Variants in PKP1 observed in about 807,000 individuals in gnomAD.
PKP1 encodes plakophilin 1.
A neutral mutation model predicts 76.4 loss-of-function variants in PKP1; 27 were observed. The observed-to-expected ratio is 0.35, with a 90% CI of 0.26 to 0.49. The LOEUF is 0.49. PKP1 is among the 20% of genes least tolerant of loss of function. The pLI is 0.99. For missense variants in PKP1, 964 were observed against 955.2 expected (o/e 1.01, Z -0.12); for synonymous variants, 404 against 384.2 (o/e 1.05, Z -0.60).
At chr1:201,316,530 C>T (rs777074752) in intron 3 of PKP1, 23 bp from the exon 4 acceptor site, 1 of 1,589,736 alleles carries the variant, frequency 6.3e-7, no homozygotes, top group East Asian at 2.3e-5. Flanking sequence ...CCCGTAACCA[C>T]CCCCACTGCC....
intron 10 of PKP1, 24 bp downstream of exon 10, chr1:201,324,605 C>T (rs186386102): frequency 2.5e-6 from 4 of 1,613,544 alleles, no homozygotes; most frequent in East Asian, 4.5e-5. Flanking sequence ...CTCTCCTCCC[C>T]CTCTAGCTAA....
chr1:201,291,828 C>G (rs1025866742), intron 1 of PKP1, among the ~76,000 whole-genome samples: 2 of 152,228 alleles, frequency 1.3e-5, no homozygotes, highest in African/African-American at 4.8e-5. Context: ...GGTTGGCCAC[C>G]TAGGGTCCTG....
In PKP1 at chr1:201,318,509, C is replaced by T. The variant is rs771371915; in HGVS notation, c.1055-109C>T. On this transcript the variant is annotated intron_variant, in intron 5 of 13. Transcript: ENST00000367324. ...CTACAGACCAGGGCTACCTGGAAAG[C>T]GACATTTCAGTAGGGCCCATTTGCC... The T allele has an allele frequency of 6.0e-4, 560 of 934,612 alleles. 1 individual carries two copies. Among genetic ancestry groups the T allele is most frequent in the Non-Finnish European group, 6.5e-4 (374 of 577,998 alleles). The allele number at this position is 934,612 out of a possible 1,614,324, so 57.9% of individuals were successfully genotyped here. A position where few individuals can be genotyped will look rare whatever the true frequency, so the allele number is the denominator to read the frequency against.
intron 3 of PKP1, chr1:201,316,117 C>CGGATGGACGGACGGACGGACGGAT (rs1558191584): frequency 2.8e-5 from 1 of 36,098 alleles, no homozygotes; most frequent in African/African-American, 6.2e-5. Context: ...GATGGATGGA[C>CGGATGGACGGACGGACGGACGGAT]GGATGGACGG....
chr1:201,324,268 T>G (rs1657036029), intron 9 of PKP1, among the ~76,000 whole-genome samples, 160 bp from the exon 10 acceptor site: 2 of 152,134 alleles, frequency 1.3e-5, no homozygotes, highest in South Asian at 4.1e-4. Context: ...AGGTGCATGT[T>G]AGCCTAGGTT....
chr1:201,329,685 A>G (rs6660897), intron 13 of PKP1, among the ~76,000 whole-genome samples: 21,352 of 152,178 alleles, frequency 0.14, 1,937 homozygotes, highest in African/African-American at 0.26. Flanking sequence ...CCCCACCCCA[A>G]TCCCTGGTGG....
Position 201,328,704 on chromosome 1 carries a change from C to T in PKP1, c.2107-58C>T, listed in dbSNP as rs1417115999. On this transcript the variant is annotated intron_variant, in intron 12 of 13. Transcript: ENST00000367324. ...TGGGAGGGCAGTGGACAGTGTCTGA[C>T]CCCACAGCAAGCCCCACACAGTTTT... 7 of 1,492,670 alleles carry T rather than the reference C, an allele frequency of 4.7e-6. No homozygotes were observed. The South Asian group carries it at 6.8e-5, about 14-fold the overall frequency. The allele number at this position is 1,492,670 out of a possible 1,614,324, so 92.5% of individuals were successfully genotyped here.
Position 201,332,849 on chromosome 1 carries a change from C to T in PKP1, c.*2808C>T, listed in dbSNP as rs1236536615. 6.6e-6 allele frequency: 1 copy of T among 152,228 alleles called. No individual in the cohort carries two copies. Among genetic ancestry groups the T allele is most frequent in the African/African-American group, 2.4e-5 (1 of 41,434 alleles). The allele number at this position is 152,228 out of a possible 1,614,324, so 9.4% of individuals were successfully genotyped here. A position where few individuals can be genotyped will look rare whatever the true frequency, so the allele number is the denominator to read the frequency against. ...GCTGCTGTGAGGGATCTTGGAGCTT[C>T]CCTGTAGCCCACCTTCCCCTTGCTT... On this transcript the variant is annotated 3_prime_UTR_variant, in exon 14 of 14. Transcript: ENST00000367324.
At chr1:201,321,645 C>T (rs1396315469) in intron 7 of PKP1, among the ~76,000 whole-genome samples, 7 of 152,212 alleles carry the variant, frequency 4.6e-5, no homozygotes, top group African/African-American at 9.6e-5. Flanking sequence ...AGTCCTACCA[C>T]ACACTAGGCC....
At chr1:201,298,812 C>G (rs572982837) in intron 2 of PKP1, among the ~76,000 whole-genome samples, 2 of 152,200 alleles carry the variant, frequency 1.3e-5, no homozygotes, top group South Asian at 2.1e-4. Flanking sequence ...CTGTATTTGA[C>G]GATCCCATTG....
At chr1:201,285,189 G>A (rs1332844354) in intron 1 of PKP1, among the ~76,000 whole-genome samples, 6 of 151,214 alleles carry the variant, frequency 4.0e-5, no homozygotes, top group Admixed American at 4.0e-4. Flanking sequence ...AAGGTGGAAG[G>A]AGACAAAAGA....
intron 12 of PKP1, among the ~76,000 whole-genome samples, chr1:201,327,504 C>G (rs1286920206): frequency 6.6e-6 from 1 of 152,176 alleles, no homozygotes; most frequent in African/African-American, 2.4e-5. Flanking sequence ...ATGGCAACTG[C>G]CAGATAGACA....
At chr1:201,313,643 C>A in intron 3 of PKP1, 83 bp downstream of exon 3, 1 of 1,409,040 alleles carries the variant, frequency 7.1e-7, no homozygotes. Context: ...CTGCAAAGGG[C>A]TCCTGGGATG....
intron 1 of PKP1, among the ~76,000 whole-genome samples, chr1:201,289,778 G>A (rs764731189): frequency 2.0e-5 from 3 of 152,076 alleles, no homozygotes; most frequent in Admixed American, 6.6e-5. Context: ...AGAGTCAGCC[G>A]CTGGATTGAG....
chr1:201,290,640 G>A (rs1440629943), intron 1 of PKP1, among the ~76,000 whole-genome samples: 1 of 152,158 alleles, frequency 6.6e-6, no homozygotes, highest in East Asian at 1.9e-4. Context: ...TAAGCACCAG[G>A]CATCAGAGCA....
At chr1:201,320,994 G>C (rs756678380) in intron 7 of PKP1, among the ~76,000 whole-genome samples, 1 of 152,216 alleles carries the variant, frequency 6.6e-6, no homozygotes, top group Non-Finnish European at 1.5e-5. Flanking sequence ...AAAAGTTGTG[G>C]AGGGCAGATA....
intron 2 of PKP1, among the ~76,000 whole-genome samples, chr1:201,307,509 A>G (rs370198853): frequency 6.6e-6 from 1 of 152,152 alleles, no homozygotes; most frequent in East Asian, 1.9e-4. Flanking sequence ...GACCGCCTGG[A>G]GCCCTGTGTG....
chr1:201,308,369 T>A (rs1656430162), intron 2 of PKP1, among the ~76,000 whole-genome samples: 1 of 152,230 alleles, frequency 6.6e-6, no homozygotes, highest in African/African-American at 2.4e-5. Flanking sequence ...CACCTTTCAC[T>A]GAGCTCTTGC....
At chr1:201,316,153 T>TGGATGGATGGACGGAC (rs1656739966) in intron 3 of PKP1, 1 of 117,606 alleles carries the variant, frequency 8.5e-6, no homozygotes, top group Admixed American at 7.4e-5. Flanking sequence ...GACGGACGGA[T>TGGATGGATGGACGGAC]GGATGGATGG....
Sources: allele counts gnomAD v4.1 joint callset (sites outside exome capture counted in the v4.1 genomes callset), GRCh38; gene constraint gnomAD v4.1.1; transcripts MANE v1.5; gene names NCBI Gene and HGNC (gene_info 2026-07-23, HGNC 2026-07-21).